RANBP2: variants seen among roughly 807,000 people sequenced by gnomAD.
The protein encoded by RANBP2 is RAN binding protein 2, also known as E3 SUMO-protein ligase RanBP2.
A neutral mutation model predicts 303.6 loss-of-function variants in RANBP2; 57 were observed. The observed-to-expected ratio is 0.19, with a 90% CI of 0.15 to 0.23. The LOEUF is 0.23. Among genes scored for constraint, RANBP2 ranks in the 10% least tolerant of loss-of-function variants. The probability of loss-of-function intolerance (pLI) is 1.00; values close to 1 mark genes in which losing one functional copy is unlikely to be tolerated. For synonymous variants in RANBP2, 1,167 were observed against 1,301.5 expected (o/e 0.90, Z 2.23); for missense variants, 3,138 against 3,780.8 (o/e 0.83, Z 4.46).
the RANBP2 span, among the ~76,000 whole-genome samples, chr2:109,689,215 AT>A: frequency 1.3e-5 from 2 of 152,070 alleles, no homozygotes; most frequent in Non-Finnish European, 2.9e-5. Context: ...CCTGGATGAC[AT>A]TTTCTAGGAA....
chr2:109,727,743 C>T, the RANBP2 span, among the ~76,000 whole-genome samples: 4 of 152,108 alleles, frequency 2.6e-5, no homozygotes, highest in Non-Finnish European at 5.9e-5. Flanking sequence ...CTGGACTCTT[C>T]GAGGCAGAAT....
At chr2:108,928,869 A>G in the RANBP2 span, among the ~76,000 whole-genome samples, 1 of 152,184 alleles carries the variant, frequency 6.6e-6, no homozygotes. Context: ...ATGAAATTTT[A>G]GTTTTCTTTT....
the RANBP2 span, among the ~76,000 whole-genome samples, chr2:109,309,520 A>G: frequency 4.6e-5 from 6 of 129,156 alleles, no homozygotes; most frequent in East Asian, 2.1e-4. Context: ...TTAAATGTAA[A>G]TGGACTAAAT....
At chr2:108,728,277 A>C (rs1181227436) in intron 1 of RANBP2, among the ~76,000 whole-genome samples, 1 of 152,056 alleles carries the variant, frequency 6.6e-6, no homozygotes, top group Admixed American at 6.6e-5. Context: ...TACTTTCTTG[A>C]ATTTATTTTT....
the RANBP2 span, among the ~76,000 whole-genome samples, chr2:109,189,992 G>A: frequency 4.6e-5 from 7 of 152,334 alleles, no homozygotes; most frequent in East Asian, 1.9e-4. Flanking sequence ...AGATCTGCTC[G>A]TGGTTTATCA....
chr2:109,142,568 C>G, the RANBP2 span, among the ~76,000 whole-genome samples: 3 of 152,166 alleles, frequency 2.0e-5, no homozygotes, highest in Non-Finnish European at 4.4e-5. Context: ...TCCCCAGTGG[C>G]TGAGGGAGGA....
the RANBP2 span, among the ~76,000 whole-genome samples, chr2:109,025,373 TTC>T: frequency 6.6e-6 from 1 of 152,218 alleles, no homozygotes; most frequent in South Asian, 2.1e-4. Flanking sequence ...GGAGTGGAGT[TTC>T]TATTCTTTTT....
At chr2:109,118,291 T>C in the RANBP2 span, among the ~76,000 whole-genome samples, 4 of 152,020 alleles carry the variant, frequency 2.6e-5, no homozygotes, top group African/African-American at 4.8e-5. Flanking sequence ...GACAAAGCCA[T>C]ATAAATGCTG....
chr2:109,580,152 T>TA, the RANBP2 span, among the ~76,000 whole-genome samples: 43 of 150,048 alleles, frequency 2.9e-4, no homozygotes, highest in African/African-American at 1.0e-3. Flanking sequence ...GAATACAGGC[T>TA]AAAAAAACTT....
the RANBP2 span, among the ~76,000 whole-genome samples, chr2:108,984,335 C>T: frequency 6.6e-5 from 10 of 152,084 alleles, no homozygotes; most frequent in Non-Finnish European, 1.5e-4. Flanking sequence ...ACTGACTGTC[C>T]CAGAACAACA....
chr2:109,039,801 A>G, the RANBP2 span, among the ~76,000 whole-genome samples: 2 of 151,834 alleles, frequency 1.3e-5, no homozygotes, highest in African/African-American at 2.4e-5. Flanking sequence ...ATATGCTTTG[A>G]GCTTTTTTTC....
chr2:109,070,868 A>G, the RANBP2 span, among the ~76,000 whole-genome samples: 2 of 151,698 alleles, frequency 1.3e-5, no homozygotes, highest in African/African-American at 4.8e-5. Flanking sequence ...TAAAAAAAAA[A>G]AAAAAAAATA....
At chr2:109,669,473 AC>A in the RANBP2 span, among the ~76,000 whole-genome samples, 1 of 152,182 alleles carries the variant, frequency 6.6e-6, no homozygotes, top group Non-Finnish European at 1.5e-5. Flanking sequence ...ACAACTCAAT[AC>A]CAAAAAACCT....
the RANBP2 span, among the ~76,000 whole-genome samples, chr2:109,457,663 C>G: frequency 6.6e-6 from 1 of 152,372 alleles, no homozygotes. Flanking sequence ...CACATCAAGT[C>G]TAGATTCTGT....
At chr2:109,441,375 T>C in the RANBP2 span, among the ~76,000 whole-genome samples, 3 of 152,090 alleles carry the variant, frequency 2.0e-5, no homozygotes, top group Non-Finnish European at 4.4e-5. Context: ...ATCACACTTC[T>C]AGAAATAAAA....
the RANBP2 span, among the ~76,000 whole-genome samples, chr2:109,262,789 C>T: frequency 2.1e-4 from 32 of 152,000 alleles, no homozygotes; most frequent in African/African-American, 7.7e-4. Context: ...TGTAATGGGC[C>T]CAATGATAAA....
chr2:109,041,646 C>G, the RANBP2 span, among the ~76,000 whole-genome samples: 1 of 149,454 alleles, frequency 6.7e-6, no homozygotes, highest in African/African-American at 2.5e-5. Flanking sequence ...CTCAGCCTCC[C>G]GAGGAGCTCG....
chr2:108,982,837 G>A, the RANBP2 span, among the ~76,000 whole-genome samples: 174 of 152,262 alleles, frequency 1.1e-3, no homozygotes, highest in African/African-American at 3.8e-3. Flanking sequence ...GAGTGCTGGC[G>A]GGAAACTAGG....
At chr2:109,253,234 G>C in the RANBP2 span, among the ~76,000 whole-genome samples, 11 of 152,226 alleles carry the variant, frequency 7.2e-5, no homozygotes, top group East Asian at 2.1e-3. Context: ...CACAAGGCTG[G>C]TCTTGAACTC....
Sources: allele counts gnomAD v4.1 joint callset (sites outside exome capture counted in the v4.1 genomes callset), GRCh38; gene constraint gnomAD v4.1.1; transcripts MANE v1.5; gene names NCBI Gene and HGNC (gene_info 2026-07-23, HGNC 2026-07-21).